TNR: variants seen among roughly 807,000 people sequenced by gnomAD.
TNR encodes the protein tenascin R.
TNR carries 45 observed loss-of-function variants against 150.4 expected under a neutral mutation model. That is an observed-to-expected ratio of 0.30 (90% CI 0.24 to 0.38). The LOEUF is 0.38. Ranked by LOEUF, TNR falls within the 10% of genes least tolerant of loss-of-function variation. The pLI is 1.00. For synonymous variants in TNR, 687 were observed against 678.4 expected (o/e 1.01, Z -0.20); for missense variants, 1,544 against 1,759.1 (o/e 0.88, Z 2.19).
At chr1:175,357,136 C>T (rs1023586556) in intron 15 of TNR, among the ~76,000 whole-genome samples, 2 of 152,126 alleles carry the variant, frequency 1.3e-5, no homozygotes, top group African/African-American at 4.8e-5. Flanking sequence ...ATGGACAGAG[C>T]TTTGCATTTA....
intron 9 of TNR, among the ~76,000 whole-genome samples, chr1:175,372,916 G>A (rs1652171074): frequency 6.6e-6 from 1 of 152,194 alleles, no homozygotes; most frequent in Admixed American, 6.5e-5. Context: ...GGGACAAACT[G>A]AGGACCCTGT....
intron 9 of TNR, among the ~76,000 whole-genome samples, chr1:175,369,412 A>G (rs1651989809): frequency 6.6e-6 from 1 of 152,092 alleles, no homozygotes; most frequent in Non-Finnish European, 1.5e-5. Flanking sequence ...GCGTCACCCC[A>G]GTCTCTGCCT....
rs1403760666 is a variant in TNR, at chr1:175,426,871, TTA to T, written c.-63-20096_-63-20095del. ...AAAATATAAATATATATAAAATATA[TTA>T]TATATATAAAATATAAATATATATA... On this transcript the variant is annotated intron_variant, in intron 2 of 22. Coordinates refer to ENST00000367674, the MANE Select transcript of TNR (RefSeq NM_003285.3). Among the ~76,000 whole-genome samples, 356 of 66,982 alleles carry T rather than the reference TTA, an allele frequency of 5.3e-3. 26 individuals carry two copies. The highest frequency in any genetic ancestry group is 0.023 in the African/African-American group (323 of 14,048). The allele number at this position is 66,982 out of a possible 152,430, so 43.9% of individuals were successfully genotyped here.
At chr1:175,497,876 A>G (rs1298237803) in intron 2 of TNR, among the ~76,000 whole-genome samples, 1 of 152,192 alleles carries the variant, frequency 6.6e-6, no homozygotes, top group East Asian at 1.9e-4. Context: ...CCTGGCCAAC[A>G]TGGTGAAACC....
chr1:175,417,011 A>G lies in TNR; in HGVS notation c.-63-10234T>C, dbSNP rs373098187. 2.1e-3 allele frequency among the ~76,000 whole-genome samples: 195 copies of G among 90,864 alleles called. 3 individuals are homozygous for G. The highest frequency in any genetic ancestry group is 7.5e-3 in the African/African-American group (163 of 21,852). 59.6% of individuals were successfully genotyped at this position (90,864 alleles called of 152,430 possible). On this transcript the variant is annotated intron_variant, in intron 2 of 22. Transcript: ENST00000367674. ...CTACAGAGCGAGACTCCATCTCAAA[A>G]AAAGAAAGAAAGAAAGAAAGAAAGA...
chr1:175,721,872 C>G (rs553772965), intron 1 of TNR, among the ~76,000 whole-genome samples: 1 of 145,598 alleles, frequency 6.9e-6, no homozygotes, highest in Admixed American at 6.8e-5. Flanking sequence ...AGCCTGCCTC[C>G]CCGGTCGGAT....
At chr1:175,708,753 T>TA (rs1666911486) in intron 1 of TNR, among the ~76,000 whole-genome samples, 1 of 152,182 alleles carries the variant, frequency 6.6e-6, no homozygotes, top group South Asian at 2.1e-4. Context: ...AAGGAAATCT[T>TA]ACAGCCACCA....
chr1:175,604,333 C>T (rs1334510655), intron 1 of TNR, among the ~76,000 whole-genome samples: 1 of 152,192 alleles, frequency 6.6e-6, no homozygotes, highest in African/African-American at 2.4e-5. Context: ...CAGTAGCTCC[C>T]TTCTCTCCCC....
chr1:175,410,519 G>A (rs1654164924), intron 2 of TNR, among the ~76,000 whole-genome samples: 1 of 152,190 alleles, frequency 6.6e-6, no homozygotes, highest in Admixed American at 6.5e-5. Flanking sequence ...GGGGCTGCAG[G>A]GAGGGGCACG....
chr1:175,547,109 T>C (rs1660720350), intron 1 of TNR, among the ~76,000 whole-genome samples: 1 of 152,230 alleles, frequency 6.6e-6, no homozygotes, highest in South Asian at 2.1e-4. Flanking sequence ...AGCTTTCTTA[T>C]GTATGGCAGA....
rs747416073 is a variant in TNR at position 175,356,469 on chromosome 1, T to C, written c.2975-7A>G. On this transcript the variant is annotated splice_region_variant and splice_polypyrimidine_tract_variant and intron_variant, in intron 15 of 22. Coordinates refer to ENST00000367674, the MANE Select transcript of TNR (RefSeq NM_003285.3). Reference sequence around the variant, plus strand: ...AGGATGGTCTCTCCAGCGACTGAACTCAAATGAATATGAATAAGGGTTGAA... The same window carrying C: ...AGGATGGTCTCTCCAGCGACTGAACCCAAATGAATATGAATAAGGGTTGAA... 1 of 1,613,686 alleles carries C rather than the reference T, an allele frequency of 6.2e-7. No individual in the cohort carries two copies. Among genetic ancestry groups the C allele is most frequent in the African/African-American group, 1.3e-5 (1 of 75,006 alleles).
chr1:175,743,488 AT>A lies in TNR; in HGVS notation c.-428del, dbSNP rs1667987261. 2.0e-5 allele frequency: 3 copies of A among 152,242 alleles called. No individual in the cohort carries two copies. Among genetic ancestry groups the A allele is most frequent in the African/African-American group, 7.2e-5 (3 of 41,410 alleles). The allele number at this position is 152,242 out of a possible 1,614,324, so 9.4% of individuals were successfully genotyped here. On this transcript the variant is annotated 5_prime_UTR_variant, in exon 1 of 23. Transcript: ENST00000367674. ...AGGTGGCTTCACTCCACTAGTGGTAATTCCTTGGGTCAGAGAGGACCCCCTT... is the reference window on the plus strand; with the variant it reads ...AGGTGGCTTCACTCCACTAGTGGTAATCCTTGGGTCAGAGAGGACCCCCTT...
At chr1:175,334,868 G>T (rs566426362) in intron 20 of TNR, among the ~76,000 whole-genome samples, 1 of 152,150 alleles carries the variant, frequency 6.6e-6, no homozygotes, top group African/African-American at 2.4e-5. Flanking sequence ...AGAGAATTGG[G>T]TTTATCTGTG....
chr1:175,353,960 C>T (rs1170906505), intron 18 of TNR, among the ~76,000 whole-genome samples: 1 of 151,984 alleles, frequency 6.6e-6, no homozygotes, highest in Non-Finnish European at 1.5e-5. Flanking sequence ...ATTCTCTTGC[C>T]TCAGCCTCCT....
At chr1:175,659,367 C>T (rs573294224) in intron 1 of TNR, among the ~76,000 whole-genome samples, 1 of 152,214 alleles carries the variant, frequency 6.6e-6, no homozygotes, top group South Asian at 2.1e-4. Flanking sequence ...TGAACATATC[C>T]CTGGAGCAAG....
At chr1:175,465,497 T>C (rs80317545) in intron 2 of TNR, among the ~76,000 whole-genome samples, 5 of 152,140 alleles carry the variant, frequency 3.3e-5, no homozygotes, top group African/African-American at 1.2e-4. Flanking sequence ...CTTTCAGAAG[T>C]AAGAAGATGC....
intron 1 of TNR, among the ~76,000 whole-genome samples, chr1:175,731,178 G>T (rs953277227): frequency 6.6e-6 from 1 of 152,194 alleles, no homozygotes; most frequent in Non-Finnish European, 1.5e-5. Flanking sequence ...CATTGGAACA[G>T]TGGGTCTTCT....
chr1:175,332,432 C>G (rs1315096135), intron 20 of TNR, among the ~76,000 whole-genome samples: 1 of 152,190 alleles, frequency 6.6e-6, no homozygotes, highest in Non-Finnish European at 1.5e-5. Context: ...ACAAGAATCC[C>G]TGTTTTGATC....
chr1:175,326,674 TA>T (rs770808406), intron 21 of TNR, among the ~76,000 whole-genome samples: 7 of 152,224 alleles, frequency 4.6e-5, no homozygotes, highest in Non-Finnish European at 8.8e-5. Flanking sequence ...TTTATTTATT[TA>T]TTTTTTTGGT....
Sources: allele counts gnomAD v4.1 joint callset (sites outside exome capture counted in the v4.1 genomes callset), GRCh38; gene constraint gnomAD v4.1.1; transcripts MANE v1.5; gene names NCBI Gene and HGNC (gene_info 2026-07-23, HGNC 2026-07-21).